SI: variants seen among roughly 807,000 people sequenced by gnomAD.
SI encodes sucrase-isomaltase, intestinal.
A neutral mutation model predicts 253.3 loss-of-function variants in SI; 235 were observed. The observed-to-expected ratio is 0.93, with a 90% CI of 0.83 to 1.03. SI has a LOEUF of 1.03. SI is among the 50% of genes least tolerant of loss of function. The probability of loss-of-function intolerance (pLI) is 0.00; values close to 1 mark genes in which losing one functional copy is unlikely to be tolerated. For synonymous variants in SI, 819 were observed against 712.0 expected, an observed-to-expected ratio of 1.15 and a Z score of -2.39; for missense variants, 2,442 against 2,211.1, an observed-to-expected ratio of 1.10 and a Z score of -2.09.
rs758761789 is a variant in SI, at chr3:165,071,643, GTTAA to G, written c.256-2452_256-2449del. 8.9e-4 allele frequency among the ~76,000 whole-genome samples: 136 copies of G among 152,110 alleles called. 1 individual carries two copies. Among genetic ancestry groups the G allele is most frequent in the Non-Finnish European group, 1.4e-3 (93 of 67,982 alleles). ...TATTTGGAGATAGGTCCTTTAAGGG[GTTAA>G]TTAAGTTTAAATAAGGATATAAGGG... On this transcript the variant is annotated intron_variant, in intron 3 of 47. Transcript: ENST00000264382.
At chr3:165,034,443 C>A (rs986096798) in intron 22 of SI, among the ~76,000 whole-genome samples, 1 of 151,876 alleles carries the variant, frequency 6.6e-6, no homozygotes, top group African/African-American at 2.4e-5. Context: ...GAGGTATTAT[C>A]TCAACATTGT....
intron 43 of SI, 25 bp downstream of exon 43, chr3:164,992,152 T>A (rs1337759219): frequency 1.9e-6 from 3 of 1,584,062 alleles, no homozygotes; most frequent in South Asian, 1.1e-5. Context: ...TTTAGTTAAT[T>A]CCCCAGAATT....
chr3:165,028,330 G>T (rs1214282302), intron 25 of SI, among the ~76,000 whole-genome samples: 1 of 151,374 alleles, frequency 6.6e-6, no homozygotes, highest in African/African-American at 2.4e-5. Context: ...GCTCATGGAT[G>T]GATAGAAAGA....
chr3:165,025,989 C>T lies in SI; in HGVS notation c.2893-2213G>A, dbSNP rs1440446799. Among the ~76,000 whole-genome samples, 5 of 151,268 alleles carry T rather than the reference C, an allele frequency of 3.3e-5. No individual in the cohort carries two copies. The Admixed American group carries it at 3.3e-4, about 10-fold the overall frequency. Reference sequence around the variant, plus strand: ...TGGAATGGTACCTCACATCTCAATACTGACATTGAAAGTAAATGGCCTAAA... The same window carrying T: ...TGGAATGGTACCTCACATCTCAATATTGACATTGAAAGTAAATGGCCTAAA... On this transcript the variant is annotated intron_variant, in intron 25 of 47. Coordinates refer to ENST00000264382, the MANE Select transcript of SI (RefSeq NM_001041.4).
At chr3:165,046,701 C>T in intron 16 of SI, 140 bp downstream of exon 16, 2 of 674,242 alleles carry the variant, frequency 3.0e-6, no homozygotes, top group Non-Finnish European at 2.5e-6. Flanking sequence ...TCTTATTTTC[C>T]TCATAAACTC....
At chr3:164,988,837 T>C (rs1387022886) in intron 44 of SI, among the ~76,000 whole-genome samples, 2 of 152,054 alleles carry the variant, frequency 1.3e-5, no homozygotes, top group Non-Finnish European at 2.9e-5. Context: ...CCCTGGTAAA[T>C]TGGACATATT....
At chr3:165,046,807 C>T (rs1713138509) in intron 16 of SI, 34 bp downstream of exon 16, 1 of 1,526,534 alleles carries the variant, frequency 6.6e-7, no homozygotes, top group Non-Finnish European at 9.1e-7. Flanking sequence ...GTAATTGTAG[C>T]TTTTATGAGT....
chr3:165,033,317 C>A, intron 23 of SI, 78 bp downstream of exon 23: 1 of 1,313,132 alleles, frequency 7.6e-7, no homozygotes, highest in Non-Finnish European at 1.0e-6. Context: ...ACATCTTTTC[C>A]AAAAAATTTA....
chr3:165,076,279 G>A (rs1714968169), intron 1 of SI, among the ~76,000 whole-genome samples: 1 of 151,732 alleles, frequency 6.6e-6, no homozygotes, highest in African/African-American at 2.4e-5. Flanking sequence ...CATTACAGTA[G>A]TAGTAGTACA....
Position 165,039,878 on chromosome 3 carries a change from AGAGCCTACCTGTTTT to A in SI, c.2238_2244+8del, listed in dbSNP as rs750338611. 5.0e-6 allele frequency: 8 copies of A among 1,594,830 alleles called. No individual in the cohort carries two copies. Among genetic ancestry groups the A allele is most frequent in the Admixed American group, 1.7e-5 (1 of 59,850 alleles). ...CAAACAATAAGGTTATTAAACCTGT[AGAGCCTACCTGTTTT>A]AGAACAGGAGTAATAAGTAATGCAG... On this transcript the variant is annotated splice_donor_variant and splice_donor_5th_base_variant and coding_sequence_variant and intron_variant, in exon 19 of 48. Coordinates refer to ENST00000264382, the MANE Select transcript of SI (RefSeq NM_001041.4). LOFTEE classifies it high-confidence loss of function.
chr3:165,021,495 C>A, intron 26 of SI, 112 bp from the exon 27 acceptor site: 1 of 858,050 alleles, frequency 1.2e-6, no homozygotes. Context: ...TTTTTCTCCA[C>A]ATAATTTCTA....
Position 165,055,184 on chromosome 3 carries a change from A to T in SI, c.1512+10T>A. The T allele has an allele frequency of 6.7e-7, 1 of 1,496,924 alleles. No individual in the cohort carries two copies. Among genetic ancestry groups the T allele is most frequent in the Non-Finnish European group, 9.3e-7 (1 of 1,074,014 alleles). The allele number at this position is 1,496,924 out of a possible 1,614,324, so 92.7% of individuals were successfully genotyped here. On this transcript the variant is annotated intron_variant, in intron 13 of 47. Coordinates refer to ENST00000264382, the MANE Select transcript of SI (RefSeq NM_001041.4). ...TTGACCAAAACCATTGGTTTAAAAT[A>T]GCTACTTACAATCCAAAGTCCATCA...
intron 24 of SI, among the ~76,000 whole-genome samples, chr3:165,032,135 C>A (rs745721226): frequency 1.3e-5 from 2 of 151,138 alleles, no homozygotes; most frequent in Non-Finnish European, 3.0e-5. Flanking sequence ...AAGAAATGAA[C>A]AAAACCAATT....
chr3:165,086,918 A>T, the SI span, among the ~76,000 whole-genome samples: 1 of 152,168 alleles, frequency 6.6e-6, no homozygotes, highest in Non-Finnish European at 1.5e-5. Context: ...TCATGCGTAG[A>T]ACTGCAGACT....
At chr3:165,055,903 A>T (rs952083705) in intron 12 of SI, among the ~76,000 whole-genome samples, 1 of 152,108 alleles carries the variant, frequency 6.6e-6, no homozygotes, top group East Asian at 1.9e-4. Flanking sequence ...ATGCCCAGAG[A>T]AGTTAAGTAA....
intron 24 of SI, among the ~76,000 whole-genome samples, chr3:165,031,412 A>AC (rs1376599762): frequency 6.7e-6 from 1 of 148,488 alleles, no homozygotes; most frequent in Non-Finnish European, 1.5e-5. Context: ...CCACAGATAG[A>AC]CCTTTATATT....
rs369855589 is a variant in SI, at chr3:164,998,605, C to T, written c.4475G>A (p.Arg1492Gln). 36 of 1,611,260 alleles carry T rather than the reference C, an allele frequency of 2.2e-5. 2 individuals are homozygous for T. The East Asian group carries it at 5.1e-4, about 23-fold the overall frequency. The stretch of plus-strand genomic sequence containing the variant: ...GTCTCCAAGCCAGTGTCCTCCCCAT[C>T]GTCCACTAGTAGGATACGTGGAACG... ...ISRSTYPTSG[R>Q]WGGHWLGDNY... Residue 1492 changes from arginine (R) to glutamine (Q), a missense_variant, in exon 38 of 48, where the codon CGA becomes CAA. Arg to Gln is a conservative substitution (Grantham distance 43). Transcript: ENST00000264382.
rs961027140 is a variant in SI, at chr3:165,021,321, T to G, written c.3162A>C (p.Pro1054=). 1.2e-6 allele frequency: 2 copies of G among 1,611,002 alleles called. No homozygotes were observed. The highest frequency in any genetic ancestry group is 1.7e-6 in the Non-Finnish European group (2 of 1,177,724). The change falls in exon 27 of 48, where the codon CCA becomes CCC. Residue 1054 remains proline (P), a synonymous_variant. Coordinates refer to ENST00000264382, the MANE Select transcript of SI (RefSeq NM_001041.4). The stretch of plus-strand genomic sequence containing the variant: ...AAAGTCTGTCTTCATAAGTACTTAT[T>G]GGGGTGGTTGGAATGTTTAACGGTA... ...VPVPLNIPTT[P]ISTYEDRLYD...
intron 45 of SI, 128 bp downstream of exon 45, chr3:164,987,010 A>C (rs1717468985): frequency 1.3e-6 from 1 of 765,534 alleles, no homozygotes; most frequent in South Asian, 1.5e-5. Context: ...GAATTTAGTA[A>C]AATCTTTTAG....
Sources: allele counts gnomAD v4.1 joint callset (sites outside exome capture counted in the v4.1 genomes callset), GRCh38; gene constraint gnomAD v4.1.1; transcripts MANE v1.5; gene names NCBI Gene and HGNC (gene_info 2026-07-23, HGNC 2026-07-21).